Variants in MACROD2 observed in about 807,000 individuals in gnomAD.
MACROD2 encodes the protein mono-ADP ribosylhydrolase 2.
In MACROD2, 36 loss-of-function variants were observed where a neutral mutation model predicts 70.4. The ratio of observed to expected loss-of-function variants is 0.51; its 90% CI spans 0.39 to 0.68. The LOEUF is 0.68. MACROD2 is among the 30% of genes least tolerant of loss of function. The pLI is 0.00. For missense variants in MACROD2, 496 were observed against 538.4 expected (o/e 0.92, Z 0.78); for synonymous variants, 172 against 178.8 (o/e 0.96, Z 0.30).
In MACROD2 at chr20:14,540,174, A is replaced by G. The variant is rs185817732; in HGVS notation, c.301+46666A>G. Among the ~76,000 whole-genome samples the G allele has an allele frequency of 9.8e-5, 15 of 152,350 alleles. No homozygotes were observed. The East Asian group carries it at 1.9e-3, about 20-fold the overall frequency. ...TATTAAAAATAAAACCCTAAAACCA[A>G]AAATGATGGGATAACATCTTTATGT... On this transcript the variant is annotated intron_variant, in intron 4 of 17. Coordinates refer to ENST00000684519, the MANE Select transcript of MACROD2 (RefSeq NM_001351661.2).
chr20:14,145,743 A>G (rs954475817), intron 3 of MACROD2, among the ~76,000 whole-genome samples: 3 of 152,230 alleles, frequency 2.0e-5, no homozygotes, highest in Admixed American at 1.3e-4. Context: ...CTTGTTTCTC[A>G]CAATTAAATT....
chr20:14,363,582 A>T (rs907255954), intron 3 of MACROD2, among the ~76,000 whole-genome samples: 3 of 151,748 alleles, frequency 2.0e-5, no homozygotes, highest in Non-Finnish European at 4.4e-5. Flanking sequence ...GCACTTTGGG[A>T]GGCCGAGGTG....
chr20:14,815,046 A>T lies in MACROD2; in HGVS notation c.418+130087A>T, dbSNP rs938263853. ...ATTTTGCAAACAAAAGAGAAGATTC[A>T]ATGTAGTAGTCAACTCCATTGCAGA... On this transcript the variant is annotated intron_variant, in intron 5 of 17. Transcript: ENST00000684519. Among the ~76,000 whole-genome samples, 4 of 152,076 alleles carry T rather than the reference A, an allele frequency of 2.6e-5. No individual in the cohort carries two copies. The South Asian group carries it at 6.2e-4, about 24-fold the overall frequency.
At chr20:13,999,376 C>T (rs1001673893) in intron 1 of MACROD2, among the ~76,000 whole-genome samples, 1 of 152,140 alleles carries the variant, frequency 6.6e-6, no homozygotes, top group East Asian at 1.9e-4. Context: ...ACTAATGTTC[C>T]TGAAGTCATT....
At chr20:15,334,123 T>C (rs2078022760) in intron 6 of MACROD2, among the ~76,000 whole-genome samples, 1 of 151,656 alleles carries the variant, frequency 6.6e-6, no homozygotes, top group Non-Finnish European at 1.5e-5. Context: ...ATGAGCAAAC[T>C]GAAGGCTTCT....
chr20:15,916,058 C>A (rs1042364164), intron 10 of MACROD2, among the ~76,000 whole-genome samples: 1 of 152,148 alleles, frequency 6.6e-6, no homozygotes, highest in South Asian at 2.1e-4. Context: ...AAAATTAGTT[C>A]AACTCCTGCT....
intron 8 of MACROD2, among the ~76,000 whole-genome samples, chr20:15,706,698 C>A (rs933825761): frequency 6.6e-6 from 1 of 152,152 alleles, no homozygotes; most frequent in African/African-American, 2.4e-5. Flanking sequence ...CATAAAATAG[C>A]ACACTAATAG....
Position 15,930,132 on chromosome 20 carries a change from G to A in MACROD2, c.776-3144G>A, listed in dbSNP as rs137858466. ...TCGCACTTCCCTATATTTCTTCACC[G>A]TTATTGTAAGGCTTTTAAAATCCCT... On this transcript the variant is annotated intron_variant, in intron 10 of 17. Coordinates refer to ENST00000684519, the MANE Select transcript of MACROD2 (RefSeq NM_001351661.2). 3.6e-3 allele frequency among the ~76,000 whole-genome samples: 543 copies of A among 152,188 alleles called. 5 individuals are homozygous for A. The highest frequency in any genetic ancestry group is 0.012 in the African/African-American group (510 of 41,530).
At chr20:15,173,088 C>CT (rs1256805289) in intron 5 of MACROD2, among the ~76,000 whole-genome samples, 5 of 151,850 alleles carry the variant, frequency 3.3e-5, no homozygotes, top group Non-Finnish European at 7.4e-5. Flanking sequence ...GTGTGTTAAA[C>CT]TTTTTTTATC....
At chr20:15,775,175 G>C (rs545283782) in intron 8 of MACROD2, among the ~76,000 whole-genome samples, 2 of 152,204 alleles carry the variant, frequency 1.3e-5, no homozygotes, top group South Asian at 4.2e-4. Context: ...GAATATTTGT[G>C]ATAGAAGAAA....
intron 8 of MACROD2, among the ~76,000 whole-genome samples, chr20:15,671,802 G>T (rs1192736051): frequency 6.6e-6 from 1 of 152,184 alleles, no homozygotes; most frequent in East Asian, 1.9e-4. Context: ...TTGAGTCTGT[G>T]AGCTGCTTGT....
intron 15 of MACROD2, among the ~76,000 whole-genome samples, chr20:16,000,157 A>C (rs980252270): frequency 6.6e-6 from 1 of 152,198 alleles, no homozygotes; most frequent in African/African-American, 2.4e-5. Context: ...TTATAGAAAA[A>C]TACTGCTGAG....
intron 7 of MACROD2, among the ~76,000 whole-genome samples, chr20:15,441,427 A>G (rs2146375335): frequency 6.6e-6 from 1 of 152,234 alleles, no homozygotes; most frequent in Admixed American, 6.5e-5. Flanking sequence ...GACAAAAGAG[A>G]TGAAAATCCT....
chr20:14,859,090 G>C (rs1288172156), intron 5 of MACROD2, among the ~76,000 whole-genome samples: 1 of 151,962 alleles, frequency 6.6e-6, no homozygotes, highest in African/African-American at 2.4e-5. Context: ...GGTTGGGAGG[G>C]GGGTGAGCGG....
chr20:15,987,062 T>C lies in MACROD2; in HGVS notation c.1061-4T>C, dbSNP rs1051970518. 1.4e-5 allele frequency: 23 copies of C among 1,607,354 alleles called. No homozygotes were observed. Among genetic ancestry groups the C allele is most frequent in the Non-Finnish European group, 2.0e-5 (23 of 1,177,738 alleles). ...TGAGTGTCCATCTGTCTCATTCTAT[T>C]TAGAACTTTCATCAAACCAAGAAGA... On this transcript the variant is annotated splice_region_variant and splice_polypyrimidine_tract_variant and intron_variant, in intron 14 of 17. Coordinates refer to ENST00000684519, the MANE Select transcript of MACROD2 (RefSeq NM_001351661.2).
chr20:15,872,357 G>C (rs1244029902), intron 9 of MACROD2, among the ~76,000 whole-genome samples: 1 of 152,140 alleles, frequency 6.6e-6, no homozygotes, highest in African/African-American at 2.4e-5. Flanking sequence ...CTTGAAGAAG[G>C]GGTGGTGAAT....
At position 15,437,174 on chromosome 20, in the gene MACROD2, GT is replaced by G. The variant is rs775127194; in HGVS notation, c.571+5741del. On this transcript the variant is annotated intron_variant, in intron 7 of 17. Coordinates refer to ENST00000684519, the MANE Select transcript of MACROD2 (RefSeq NM_001351661.2). ...TAAAAGGGGGATTTAATTTATGGCA[GT>G]TCTTAAAGTTATTTGATGATAGAAA... 7.2e-5 allele frequency among the ~76,000 whole-genome samples: 11 copies of G among 152,274 alleles called. No homozygotes were observed. The South Asian group carries it at 1.0e-3, about 14-fold the overall frequency.
intron 15 of MACROD2, among the ~76,000 whole-genome samples, chr20:15,990,650 T>A (rs2066545502): frequency 6.6e-6 from 1 of 152,178 alleles, no homozygotes; most frequent in African/African-American, 2.4e-5. Context: ...TGGGCAGGCA[T>A]GCAAGTAAAG....
intron 3 of MACROD2, among the ~76,000 whole-genome samples, chr20:14,230,627 A>G (rs2081794229): frequency 1.2e-4 from 1 of 8,660 alleles, no homozygotes; most frequent in African/African-American, 2.8e-4. Flanking sequence ...ACTCTCATTC[A>G]TGTTTATATA....
Sources: gnomAD v4.1 joint callset for allele counts (sites outside exome capture counted in the v4.1 genomes callset) on GRCh38, gnomAD v4.1.1 for gene constraint, MANE v1.5 for transcripts, NCBI Gene and HGNC (gene_info 2026-07-23, HGNC 2026-07-21) for gene names.